The following ZNF268 variants were observed in gnomAD, a reference collection of about 807,000 sequenced individuals.
The protein encoded by ZNF268 is zinc finger protein 268, also known as zinc finger protein 3.
A neutral mutation model predicts 29.3 loss-of-function variants in ZNF268; 20 were observed. The observed-to-expected ratio is 0.68, with a 90% CI of 0.48 to 0.99. The LOEUF (loss-of-function observed/expected upper bound fraction) is 0.99. Ranked by LOEUF, ZNF268 falls within the 50% of genes least tolerant of loss-of-function variation. The probability of loss-of-function intolerance (pLI) is 0.00; values close to 1 mark genes in which losing one functional copy is unlikely to be tolerated. For synonymous variants in ZNF268, 429 were observed against 376.9 expected (o/e 1.14, Z -1.60); for missense variants, 1,240 against 1,121.6 (o/e 1.11, Z -1.51).
At chr12:133,190,884 A>G (rs1362267926) in intron 3 of ZNF268, among the ~76,000 whole-genome samples, 1 of 151,958 alleles carries the variant, frequency 6.6e-6, no homozygotes, top group Non-Finnish European at 1.5e-5. Context: ...TTATGTTTAT[A>G]TTCCTGGACA....
chr12:133,187,964 G>A lies in ZNF268; in HGVS notation c.126G>A (p.Leu42=). ...TCTTGGGCCAAGGGACTCCTGGTCT[G>A]CAACCTCTCCCTGGAACACCCAGGC... is the stretch of plus-strand genomic sequence containing the variant. The part of the protein sequence containing the change: ...ESILGQGTPG[L]QPLPGTPRQK... The change falls in exon 3 of 6, where the codon CTG becomes CTA. Residue 42 remains leucine, a synonymous_variant. Coordinates refer to ENST00000536435, the MANE Select transcript of ZNF268 (RefSeq NM_003415.3). 2 of 1,599,420 alleles carry A rather than the reference G, an allele frequency of 1.3e-6. No individual in the cohort carries two copies. The highest frequency in any genetic ancestry group is 8.5e-7 in the Non-Finnish European group (1 of 1,172,724).
At chr12:133,189,039 T>G (rs1956397522) in intron 3 of ZNF268, among the ~76,000 whole-genome samples, 1 of 152,156 alleles carries the variant, frequency 6.6e-6, no homozygotes, top group Admixed American at 6.6e-5. Context: ...ACAGTGCCTT[T>G]GGGATTGAGT....
intron 5 of ZNF268, 36 bp from the exon 6 acceptor site, chr12:133,202,103 CATGTG>C (rs1455509169): frequency 6.8e-7 from 1 of 1,476,082 alleles, no homozygotes; most frequent in East Asian, 2.3e-5. Context: ...ATACCGCAAT[CATGTG>C]ATTTATAACA....
Position 133,191,504 on chromosome 12 carries a change from A to G in ZNF268, c.250A>G (p.Met84Val), listed in dbSNP as rs1218711091. 7 of 1,614,010 alleles carry G rather than the reference A, an allele frequency of 4.3e-6. No individual in the cohort carries two copies. The highest frequency in any genetic ancestry group is 3.3e-5 in the Admixed American group (2 of 60,004). ...TGTATTTCAGGGACCTTTGTCATTC[A>G]TGGATGTGTTTGTGGATTTTACCTG... Reference protein sequence around the residue: ...ITKSWGPLSFMDVFVDFTWEE... With the variant: ...ITKSWGPLSFVDVFVDFTWEE... Residue 84 changes from methionine to valine, a missense_variant, in exon 4 of 6, where the codon ATG becomes GTG. Physicochemically the swap from Met to Val is conservative, Grantham distance 21. Transcript: ENST00000536435.
At position 133,191,979 on chromosome 12, in the gene ZNF268, C is replaced by G. The variant is rs770472078; in HGVS notation, c.433C>G (p.Gln145Glu). ...AGAAGAGCTGTGTATGGTGCAGGCC[C>G]AAGTTCCAAATCAGACCTGTCCAAG... ...QGEELCMVQA[Q>E]VPNQTCPNTV... The change falls in exon 5 of 6, where the codon CAA becomes GAA. Residue 145 changes from glutamine (Q) to glutamate (E), a missense_variant. Transcript: ENST00000536435. The G allele has an allele frequency of 6.2e-7, 1 of 1,613,596 alleles. No homozygotes were observed. The highest frequency in any genetic ancestry group is 1.3e-5 in the African/African-American group (1 of 74,914).
rs909797616 is a variant in ZNF268, at chr12:133,202,314, T to G, written c.628T>G (p.Leu210Val). 3.1e-6 allele frequency: 5 copies of G among 1,612,364 alleles called. No homozygotes were observed. Among genetic ancestry groups the G allele is most frequent in the Non-Finnish European group, 4.2e-6 (5 of 1,179,154 alleles). The change falls in exon 6 of 6, where the codon TTG becomes GTG. Residue 210 changes from leucine to valine, a missense_variant. By Grantham distance (32) the Leu-to-Val change is conservative. Around this residue, in one of 3 missense-constraint regions of ZNF268, gnomAD observed 1,177 missense variants for 1,039.6 expected, o/e 1.13. Transcript: ENST00000536435. ...TAAATGTGGCACGCATGGAAAGAGT[T>G]TGAAATATATAGATTTCACTAGTGA... ...PHKCGTHGKS[L>V]KYIDFTSDYA... is the part of the protein sequence containing the mutation.
At position 133,181,961 on chromosome 12, in the gene ZNF268, G is replaced by C. The variant is rs986093474; in HGVS notation, c.-37G>C. The stretch of plus-strand genomic sequence containing the variant: ...TCTCTTCTAGCATCCCTCGCGTCCT[G>C]TCACTTCCAGCGAGGCACACAAAAC... On this transcript the variant is annotated 5_prime_UTR_variant, in exon 2 of 6. Transcript: ENST00000536435. 2 of 1,556,464 alleles carry C rather than the reference G, an allele frequency of 1.3e-6. No individual in the cohort carries two copies. Among genetic ancestry groups the C allele is most frequent in the African/African-American group, 2.7e-5 (2 of 73,296 alleles).
In ZNF268 at chr12:133,204,138, A is replaced by G; in HGVS notation, c.2452A>G (p.Ile818Val). ...YECNECGKAF[I>V]WKSLLIVHER... ...ATGTAATGAATGTGGGAAAGCCTTC[A>G]TTTGGAAATCACTACTCATTGTACA... The change falls in exon 6 of 6, where the codon ATT becomes GTT. Residue 818 changes from isoleucine to valine, a missense_variant. This residue lies in a region of ZNF268 where 1,177 missense variants were observed against 1,039.6 expected (regional missense o/e 1.13). Transcript: ENST00000536435. 1 of 1,543,200 alleles carries G rather than the reference A, an allele frequency of 6.5e-7. No homozygotes were observed.
At chr12:133,193,408 C>G in intron 5 of ZNF268, 1 of 644,036 alleles carries the variant, frequency 1.6e-6, no homozygotes, top group Non-Finnish European at 2.8e-6. Context: ...TTATAAAGCA[C>G]AGAAATTTAT....
rs1593947008 is a variant in ZNF268, at chr12:133,213,664, C to G, written c.*9134C>G. ...TGAGCCGAGATCATGCTACTGCACT[C>G]CAGCCCAGGTGACAGAGCAAGAAAG... On this transcript the variant is annotated 3_prime_UTR_variant, in exon 6 of 6. Coordinates refer to ENST00000536435, the MANE Select transcript of ZNF268 (RefSeq NM_003415.3). 1 of 145,578 alleles carries G rather than the reference C, an allele frequency of 6.9e-6. No individual in the cohort carries two copies. The highest frequency in any genetic ancestry group is 1.5e-5 in the Non-Finnish European group (1 of 67,312). The allele number at this position is 145,578 out of a possible 1,614,324, so 9.0% of individuals were successfully genotyped here.
At chr12:133,183,608 C>G (rs1956230901) in intron 2 of ZNF268, among the ~76,000 whole-genome samples, 1 of 152,008 alleles carries the variant, frequency 6.6e-6, no homozygotes, top group Non-Finnish European at 1.5e-5. Context: ...AACTGGAGTT[C>G]TACTCTGTGG....
chr12:133,181,919 C>T (rs992651284), intron 1 of ZNF268, 27 bp from the exon 2 acceptor site: 1 of 1,506,830 alleles, frequency 6.6e-7, no homozygotes, highest in Non-Finnish European at 9.0e-7. Flanking sequence ...TGGGTGACCT[C>T]TTTCTTCACT....
chr12:133,184,268 A>ATT (rs200474894), intron 2 of ZNF268, among the ~76,000 whole-genome samples: 8 of 149,482 alleles, frequency 5.4e-5, no homozygotes, highest in African/African-American at 2.0e-4. Flanking sequence ...CGCCCAGCTA[A>ATT]TTTTTTTTTT....
rs1956857535 is a variant in ZNF268 at position 133,204,779 on chromosome 12, C to A, written c.*249C>A. ...GAAAATTTTTAGCAGCAAGTCATAC[C>A]TTTTTTTAAAAAGTTCATACAGGTG... On this transcript the variant is annotated 3_prime_UTR_variant, in exon 6 of 6. Transcript: ENST00000536435. The A allele has an allele frequency of 1.0e-5, 4 of 389,316 alleles. No homozygotes were observed. The highest frequency in any genetic ancestry group is 2.1e-5 in the African/African-American group (1 of 47,912). 24.1% of individuals were successfully genotyped at this position (389,316 alleles called of 1,614,324 possible).
intron 3 of ZNF268, 35 bp downstream of exon 3, chr12:133,188,107 T>C: frequency 6.7e-7 from 1 of 1,493,504 alleles, no homozygotes; most frequent in Non-Finnish European, 8.9e-7. Flanking sequence ...TAGTGTTTTC[T>C]TTATTACCTT....
At chr12:133,183,908 C>T (rs1344888787) in intron 2 of ZNF268, among the ~76,000 whole-genome samples, 3 of 152,164 alleles carry the variant, frequency 2.0e-5, no homozygotes, top group African/African-American at 7.2e-5. Flanking sequence ...GAAATGGAAA[C>T]CTCAAAAATG....
rs1197757343 is a variant in ZNF268, at chr12:133,205,168, A to C, written c.*638A>C. The C allele has an allele frequency of 1.5e-4, 21 of 142,000 alleles. No individual in the cohort carries two copies. Among genetic ancestry groups the C allele is most frequent in the African/African-American group, 4.5e-4 (17 of 38,040 alleles). 8.8% of individuals were successfully genotyped at this position (142,000 alleles called of 1,614,324 possible). On this transcript the variant is annotated 3_prime_UTR_variant, in exon 6 of 6. Coordinates refer to ENST00000536435, the MANE Select transcript of ZNF268 (RefSeq NM_003415.3). Reference sequence around the variant, plus strand: ...CTAAAAAAAAAAAAAAAAAAAAAAAAAAAAACCAACCTGTTATTATATCTT... The same window carrying C: ...CTAAAAAAAAAAAAAAAAAAAAAAACAAAAACCAACCTGTTATTATATCTT...
At chr12:133,196,673 T>C (rs1016673320) in intron 5 of ZNF268, among the ~76,000 whole-genome samples, 2 of 152,226 alleles carry the variant, frequency 1.3e-5, no homozygotes, top group African/African-American at 4.8e-5. Context: ...CACAGAGTAA[T>C]TATTCACTGG....
Position 133,204,779 on chromosome 12 carries a change from CT to C in ZNF268, c.*256del, listed in dbSNP as rs1566388836. 1 of 389,420 alleles carries C rather than the reference CT, an allele frequency of 2.6e-6. No homozygotes were observed. Among genetic ancestry groups the C allele is most frequent in the East Asian group, 4.0e-5 (1 of 25,312 alleles). The allele number at this position is 389,420 out of a possible 1,614,324, so 24.1% of individuals were successfully genotyped here. ...GAAAATTTTTAGCAGCAAGTCATAC[CT>C]TTTTTTAAAAAGTTCATACAGGTGA... On this transcript the variant is annotated 3_prime_UTR_variant, in exon 6 of 6. Coordinates refer to ENST00000536435, the MANE Select transcript of ZNF268 (RefSeq NM_003415.3).
Sources: allele counts gnomAD v4.1 joint callset (sites outside exome capture counted in the v4.1 genomes callset), GRCh38; gene constraint gnomAD v4.1.1; regional missense constraint gnomAD v4.1.1; transcripts MANE v1.5; gene names NCBI Gene and HGNC (gene_info 2026-07-23, HGNC 2026-07-21).